The following PDE1C variants were observed in gnomAD, a reference collection of about 807,000 sequenced individuals.
PDE1C encodes the protein dual specificity calcium/calmodulin-dependent 3',5'-cyclic nucleotide phosphodiesterase 1C.
A neutral mutation model predicts 93.1 loss-of-function variants in PDE1C; 62 were observed. The observed-to-expected ratio is 0.67, with a 90% CI of 0.54 to 0.82. The LOEUF is 0.82. Among genes scored for constraint, PDE1C ranks in the 40% least tolerant of loss-of-function variants. PDE1C has a pLI of 0.00. For synonymous variants in PDE1C, 325 were observed against 310.1 expected (o/e 1.05, Z -0.50); for missense variants, 742 against 884.6 (o/e 0.84, Z 2.04).
At chr7:31,800,731 C>G (rs559259697) in intron 16 of PDE1C, among the ~76,000 whole-genome samples, 45 of 151,204 alleles carry the variant, frequency 3.0e-4, no homozygotes, top group Non-Finnish European at 5.8e-4. Flanking sequence ...TTTTGTATTT[C>G]CATATGAATT....
intron 2 of PDE1C, among the ~76,000 whole-genome samples, chr7:31,905,788 T>C (rs1800517431): frequency 6.6e-6 from 1 of 152,140 alleles, no homozygotes; most frequent in South Asian, 2.1e-4. Flanking sequence ...ATAATCCCCA[T>C]GTGTTAAGGG....
intron 1 of PDE1C, among the ~76,000 whole-genome samples, chr7:32,295,166 C>T (rs1812551700): frequency 6.6e-6 from 1 of 152,254 alleles, no homozygotes; most frequent in African/African-American, 2.4e-5. Context: ...GTCCCACATG[C>T]AGCAATGGTC....
At chr7:31,736,363 T>C in the PDE1C span, among the ~76,000 whole-genome samples, 1 of 152,184 alleles carries the variant, frequency 6.6e-6, no homozygotes, top group African/African-American at 2.4e-5. Flanking sequence ...CAAGGACACA[T>C]TCTTCCCTAA....
intron 16 of PDE1C, among the ~76,000 whole-genome samples, chr7:31,790,884 C>T (rs1374452804): frequency 1.3e-5 from 2 of 152,138 alleles, no homozygotes; most frequent in Non-Finnish European, 2.9e-5. Flanking sequence ...GCATGCTCTA[C>T]CCCATGTAAC....
chr7:32,041,040 GC>G (rs1308750124), intron 2 of PDE1C, among the ~76,000 whole-genome samples: 4 of 152,136 alleles, frequency 2.6e-5, no homozygotes, highest in Admixed American at 1.3e-4. Flanking sequence ...CAAAGTGTAA[GC>G]CTTCTGCATA....
upstream of PDE1C, chr7:32,071,494 T>C (rs1390513126): frequency 3.6e-6 from 3 of 825,664 alleles, no homozygotes; most frequent in East Asian, 3.8e-4. Flanking sequence ...TCCCTCCCTT[T>C]CACCCCCCCA....
chr7:32,393,929 A>ACAG (rs1784796540), intron 1 of PDE1C, among the ~76,000 whole-genome samples: 1 of 152,120 alleles, frequency 6.6e-6, no homozygotes, highest in African/African-American at 2.4e-5. Flanking sequence ...TTTATGAGCT[A>ACAG]TTTTCCCAGT....
intron 4 of PDE1C, 82 bp downstream of exon 4, chr7:31,878,914 C>A: frequency 7.3e-7 from 1 of 1,374,422 alleles, no homozygotes. Context: ...AGGAAAACTA[C>A]ATTAAAGCAA....
rs1009212766 is a variant in PDE1C at position 31,853,385 on chromosome 7, T to C, written c.751-2644A>G. 3.3e-5 allele frequency among the ~76,000 whole-genome samples: 5 copies of C among 152,332 alleles called. 1 individual carries two copies. In the South Asian group the frequency reaches 1.0e-3, roughly 32 times the overall value. ...CTTCACAGAGGAGAGATGTTTAAGA[T>C]GGGCCTTGAAAATTTGACAGAGAAA... On this transcript the variant is annotated intron_variant, in intron 7 of 17. Transcript: ENST00000396191.
intron 1 of PDE1C, among the ~76,000 whole-genome samples, chr7:32,305,436 T>C (rs1812974823): frequency 6.6e-6 from 1 of 152,190 alleles, no homozygotes; most frequent in Admixed American, 6.5e-5. Context: ...TTCCCAGCTC[T>C]GTTAATGACT....
chr7:32,376,727 G>C (rs916382695), intron 1 of PDE1C, among the ~76,000 whole-genome samples: 1 of 151,902 alleles, frequency 6.6e-6, no homozygotes, highest in Non-Finnish European at 1.5e-5. Flanking sequence ...TCACTCTGTC[G>C]TCCAGGCTGG....
intron 2 of PDE1C, among the ~76,000 whole-genome samples, chr7:31,925,301 C>T (rs1803226664): frequency 6.6e-6 from 1 of 151,972 alleles, no homozygotes; most frequent in Non-Finnish European, 1.5e-5. Flanking sequence ...GCCAGATGCC[C>T]CTACCCATCA....
At chr7:31,953,278 A>G (rs1807661988) in intron 2 of PDE1C, among the ~76,000 whole-genome samples, 1 of 152,212 alleles carries the variant, frequency 6.6e-6, no homozygotes, top group South Asian at 2.1e-4. Context: ...GGTTCTACCC[A>G]TAACTTGGCT....
At chr7:32,170,106 A>T in intron 2 of PDE1C, 1 of 690,142 alleles carries the variant, frequency 1.4e-6, no homozygotes, top group Non-Finnish European at 2.5e-6. Flanking sequence ...TGTAACCAGG[A>T]ATTTTTACAT....
chr7:31,988,745 C>T (rs978696190), intron 2 of PDE1C, among the ~76,000 whole-genome samples: 1 of 151,976 alleles, frequency 6.6e-6, no homozygotes, highest in African/African-American at 2.4e-5. Flanking sequence ...GCCTGTAATC[C>T]CAGCACTTGG....
chr7:31,702,338 TGAG>T, the PDE1C span, among the ~76,000 whole-genome samples: 1 of 152,142 alleles, frequency 6.6e-6, no homozygotes, highest in Admixed American at 6.5e-5. Context: ...GTGCAGAGCA[TGAG>T]GAGTAATGGA....
Position 32,070,331 on chromosome 7 carries a change from C to T in PDE1C, c.63G>A (p.Pro21=), listed in dbSNP as rs1416065264. 6.2e-7 allele frequency: 1 copy of T among 1,614,204 alleles called. No individual in the cohort carries two copies. The highest frequency in any genetic ancestry group is 1.3e-5 in the African/African-American group (1 of 75,056). ...GAAGCCAGATTTTCTCGATCTGTTC[C>T]GGTTGCAGGTATTTCAGAGAGTTGC... The part of the protein sequence containing the change: ...FESNSLKYLQ[P]EQIEKIWLRL... Residue 21 remains proline, a synonymous_variant, in exon 1 of 18, where the codon CCG becomes CCA. Transcript: ENST00000396191.
At chr7:32,237,150 G>A (rs571621750) in intron 1 of PDE1C, among the ~76,000 whole-genome samples, 7 of 146,468 alleles carry the variant, frequency 4.8e-5, no homozygotes, top group Non-Finnish European at 7.4e-5. Context: ...GCAGTGGCGC[G>A]ATCTCGGCTC....
chr7:32,312,185 A>G (rs991669041), intron 1 of PDE1C, among the ~76,000 whole-genome samples: 3 of 152,182 alleles, frequency 2.0e-5, no homozygotes, highest in Non-Finnish European at 4.4e-5. Context: ...ATACCTAGCA[A>G]TCCAACTTAC....
Sources: allele counts gnomAD v4.1 joint callset (sites outside exome capture counted in the v4.1 genomes callset), GRCh38; gene constraint gnomAD v4.1.1; transcripts MANE v1.5; gene names NCBI Gene and HGNC (gene_info 2026-07-23, HGNC 2026-07-21).